ANK3: variants seen among roughly 807,000 people sequenced by gnomAD.
ANK3 encodes ankyrin 3, also known as ankyrin-3.
ANK3 carries 57 observed loss-of-function variants against 370.9 expected under a neutral mutation model. That is an observed-to-expected ratio of 0.15 (90% CI 0.12 to 0.19). The LOEUF (loss-of-function observed/expected upper bound fraction) is 0.19. ANK3 is among the 10% of genes least tolerant of loss of function. The probability of loss-of-function intolerance (pLI) is 1.00; values close to 1 mark genes in which losing one functional copy is unlikely to be tolerated. For synonymous variants in ANK3, 1,929 were observed against 1,946.3 expected, an observed-to-expected ratio of 0.99 and a Z score of 0.23; for missense variants, 4,439 against 5,302.1, an observed-to-expected ratio of 0.84 and a Z score of 5.06.
rs143039722 is a variant in ANK3, at chr10:60,475,819, CG to C, written c.96+139366del. 4.5e-3 allele frequency among the ~76,000 whole-genome samples: 691 copies of C among 152,266 alleles called. 7 individuals are homozygous for C. Among genetic ancestry groups the C allele is most frequent in the African/African-American group, 0.016 (662 of 41,546 alleles). On this transcript the variant is annotated intron_variant, in intron 2 of 43. Coordinates refer to the ANK3 transcript ENST00000373827. ...ACACATTTCCACTGGTCTCATGGGA[CG>C]GAGTCGCTTTCGAAAAAATCTGGTT... is the stretch of plus-strand genomic sequence containing the variant.
Position 60,127,757 on chromosome 10 carries a change from G to C in ANK3, c.2841+6514C>G, listed in dbSNP as rs1217122991. ...TCTGTCTCCCAGGCTGGAGTGCAGT[G>C]GTGCGATCTCGGCTCACTGCAACCT... On this transcript the variant is annotated intron_variant, in intron 25 of 43. Coordinates refer to ENST00000280772, the MANE Select transcript of ANK3 (RefSeq NM_020987.5). Among the ~76,000 whole-genome samples the C allele has an allele frequency of 9.6e-5, 14 of 146,178 alleles. No homozygotes were observed. The South Asian group carries it at 2.8e-3, about 29-fold the overall frequency.
intron 2 of ANK3, among the ~76,000 whole-genome samples, chr10:60,579,016 A>G (rs1379184461): frequency 5.9e-5 from 9 of 151,280 alleles, no homozygotes; most frequent in East Asian, 5.8e-4. Flanking sequence ...GGAACAGGAG[A>G]AAAAAAAATG....
rs757426610 is a variant in ANK3 at position 60,084,664 on chromosome 10, C to G, written c.4012G>C (p.Val1338Leu). The G allele has an allele frequency of 6.2e-7, 1 of 1,613,824 alleles. No homozygotes were observed. Among genetic ancestry groups the G allele is most frequent in the Non-Finnish European group, 8.5e-7 (1 of 1,179,938 alleles). ...TCTTGTTGCTCTAAAGTTTTGTCCACTTTGTCATCTGTCATGCAGAAACAT... is the reference window on the plus strand; with the variant it reads ...TCTTGTTGCTCTAAAGTTTTGTCCAGTTTGTCATCTGTCATGCAGAAACAT... ...LRCFCMTDDKVDKTLEQQENF... is the reference protein window; with the variant it reads ...LRCFCMTDDKLDKTLEQQENF... The change falls in exon 32 of 44, where the codon GTG (valine) becomes CTG (leucine). Residue 1338 changes from valine (V) to leucine (L), a missense_variant. Physicochemically the swap from Val to Leu is conservative, Grantham distance 32. Coordinates refer to ENST00000280772, the MANE Select transcript of ANK3 (RefSeq NM_020987.5).
intron 1 of ANK3, among the ~76,000 whole-genome samples, chr10:60,634,850 G>C (rs1246526901): frequency 6.6e-6 from 1 of 151,610 alleles, no homozygotes; most frequent in Non-Finnish European, 1.5e-5. Context: ...CACTCACCGC[G>C]AAAGTCTGCG....
intron 2 of ANK3, among the ~76,000 whole-genome samples, chr10:60,454,732 T>G (rs4948260): frequency 0.23 from 34,463 of 152,128 alleles, 4,103 homozygotes; most frequent in East Asian, 0.38. Context: ...ATTTATCTCC[T>G]GACTTGAAGT....
At chr10:60,300,823 G>A (rs2043537614) in intron 1 of ANK3, among the ~76,000 whole-genome samples, 1 of 152,018 alleles carries the variant, frequency 6.6e-6, no homozygotes, top group African/African-American at 2.4e-5. Context: ...ATCCAGTCAG[G>A]CTTGACTTTT....
At chr10:60,457,797 G>A (rs2064785251) in intron 2 of ANK3, among the ~76,000 whole-genome samples, 1 of 152,032 alleles carries the variant, frequency 6.6e-6, no homozygotes, top group African/African-American at 2.4e-5. Context: ...TTATCCTTGG[G>A]TCCTTACTAT....
chr10:60,620,722 C>T (rs781754758), intron 1 of ANK3, among the ~76,000 whole-genome samples: 10 of 152,140 alleles, frequency 6.6e-5, no homozygotes, highest in Non-Finnish European at 1.5e-4. Context: ...TTTTGTTCTT[C>T]TTTGAAGTGG....
intron 7 of ANK3, among the ~76,000 whole-genome samples, chr10:60,260,627 C>A (rs2097790061): frequency 6.6e-6 from 1 of 152,128 alleles, no homozygotes; most frequent in Non-Finnish European, 1.5e-5. Context: ...TGGGGAAGGA[C>A]TTCTCATGAA....
chr10:60,127,811 C>T (rs2093844467), intron 25 of ANK3, among the ~76,000 whole-genome samples: 1 of 150,992 alleles, frequency 6.6e-6, no homozygotes, highest in Admixed American at 6.6e-5. Context: ...GATTTTCCTG[C>T]TTCAGCCTCC....
chr10:60,511,221 T>A (rs1409608627), intron 2 of ANK3, among the ~76,000 whole-genome samples: 1 of 152,170 alleles, frequency 6.6e-6, no homozygotes, highest in Non-Finnish European at 1.5e-5. Context: ...TTATCTCCTT[T>A]CTACTCTCAA....
intron 8 of ANK3, among the ~76,000 whole-genome samples, chr10:60,232,171 AATG>A (rs1412198074): frequency 1.3e-5 from 2 of 152,162 alleles, no homozygotes; most frequent in African/African-American, 2.4e-5. Context: ...GTGTTTGACA[AATG>A]ATGAAAAATG....
intron 1 of ANK3, among the ~76,000 whole-genome samples, chr10:60,617,046 A>T (rs527303297): frequency 6.6e-6 from 1 of 152,240 alleles, no homozygotes; most frequent in African/African-American, 2.4e-5. Context: ...GCTCTTTAGA[A>T]ATAAGGCTAT....
intron 2 of ANK3, among the ~76,000 whole-genome samples, chr10:60,528,123 CTT>C (rs2076517580): frequency 1.5e-5 from 2 of 136,448 alleles, no homozygotes; most frequent in Non-Finnish European, 3.2e-5. Flanking sequence ...TTCTTTTTTT[CTT>C]TTCTTCTTCT....
At chr10:60,667,940 C>G (rs1424678098) in intron 1 of ANK3, among the ~76,000 whole-genome samples, 1 of 151,512 alleles carries the variant, frequency 6.6e-6, no homozygotes, top group Non-Finnish European at 1.5e-5. Flanking sequence ...AATAAGCTTG[C>G]TTGGGTTCAG....
intron 23 of ANK3, among the ~76,000 whole-genome samples, chr10:60,163,755 G>A (rs971105612): frequency 6.6e-6 from 1 of 151,450 alleles, no homozygotes. Flanking sequence ...ATTATTTTTA[G>A]AATCAGATTA....
intron 2 of ANK3, among the ~76,000 whole-genome samples, chr10:60,608,875 C>A (rs778258735): frequency 1.3e-5 from 2 of 152,138 alleles, no homozygotes; most frequent in African/African-American, 2.4e-5. Context: ...AGGAAGAAAC[C>A]TTGACCCTTT....
At chr10:60,414,799 T>A (rs2063627582) in intron 2 of ANK3, among the ~76,000 whole-genome samples, 1 of 152,208 alleles carries the variant, frequency 6.6e-6, no homozygotes, top group Non-Finnish European at 1.5e-5. Flanking sequence ...CAGAGTGAGC[T>A]AATAGACACC....
At chr10:60,460,306 C>T (rs1420005278) in intron 2 of ANK3, among the ~76,000 whole-genome samples, 3 of 152,156 alleles carry the variant, frequency 2.0e-5, no homozygotes, top group South Asian at 2.1e-4. Flanking sequence ...GATGAAGAGG[C>T]CAGAAAGGCA....
Sources: allele counts gnomAD v4.1 joint callset (sites outside exome capture counted in the v4.1 genomes callset), GRCh38; gene constraint gnomAD v4.1.1; transcripts MANE v1.5; gene names NCBI Gene and HGNC (gene_info 2026-07-23, HGNC 2026-07-21).